Variants in SLC36A1 observed in about 807,000 individuals in gnomAD.
SLC36A1 encodes the protein proton-coupled amino acid transporter 1.
In SLC36A1, 30 loss-of-function variants were observed where a neutral mutation model predicts 47.5. That is an observed-to-expected ratio of 0.63 (90% CI 0.47 to 0.86). The LOEUF is 0.86. Ranked by LOEUF, SLC36A1 falls within the 40% of genes least tolerant of loss-of-function variation. The probability of loss-of-function intolerance (pLI) is 0.00; values close to 1 mark genes in which losing one functional copy is unlikely to be tolerated. For synonymous variants in SLC36A1, 255 were observed against 249.7 expected (o/e 1.02, Z -0.20); for missense variants, 517 against 606.0 (o/e 0.85, Z 1.54).
the SLC36A1 span, among the ~76,000 whole-genome samples, chr5:151,367,373 T>TC: frequency 7.7e-6 from 1 of 129,884 alleles, no homozygotes. Flanking sequence ...TTTTTTTTTT[T>TC]TCCCCAGGGT....
At chr5:151,353,289 A>G in the SLC36A1 span, among the ~76,000 whole-genome samples, 1 of 152,164 alleles carries the variant, frequency 6.6e-6, no homozygotes, top group Non-Finnish European at 1.5e-5. Context: ...CAGAGAGGAG[A>G]AGTGAGCACA....
intron 8 of SLC36A1, 53 bp from the exon 9 acceptor site, chr5:151,476,537 A>C: frequency 2.2e-6 from 3 of 1,354,652 alleles, no homozygotes; most frequent in Non-Finnish European, 2.9e-6. Context: ...TTTCTTGGCC[A>C]TTAACTTTTC....
the SLC36A1 span, among the ~76,000 whole-genome samples, chr5:151,373,821 A>G: frequency 6.6e-6 from 1 of 152,122 alleles, no homozygotes; most frequent in Admixed American, 6.5e-5. Context: ...TGCAACCTCA[A>G]ACTCCTGGGT....
At chr5:151,487,118 A>G (rs1759668254) in intron 10 of SLC36A1, among the ~76,000 whole-genome samples, 1 of 152,236 alleles carries the variant, frequency 6.6e-6, no homozygotes, top group Non-Finnish European at 1.5e-5. Flanking sequence ...CTAGTTCCAG[A>G]GCCCACAGGC....
At chr5:151,527,205 C>T in the SLC36A1 span, 1 of 1,577,756 alleles carries the variant, frequency 6.3e-7, no homozygotes. Context: ...GGAGGAAGGG[C>T]TCAGGGTGCC....
At chr5:151,357,554 C>T in the SLC36A1 span, among the ~76,000 whole-genome samples, 1 of 152,204 alleles carries the variant, frequency 6.6e-6, no homozygotes. Flanking sequence ...TAAACTATGG[C>T]CTATTGGCCA....
the SLC36A1 span, among the ~76,000 whole-genome samples, chr5:151,365,669 G>A: frequency 2.0e-5 from 3 of 152,178 alleles, no homozygotes; most frequent in Non-Finnish European, 2.9e-5. Flanking sequence ...TGAACAAGGG[G>A]TTCAGTACTA....
At chr5:151,372,940 CAG>C in the SLC36A1 span, among the ~76,000 whole-genome samples, 1 of 151,948 alleles carries the variant, frequency 6.6e-6, no homozygotes, top group Non-Finnish European at 1.5e-5. Flanking sequence ...ATGAAGAAGA[CAG>C]AATGTGGCAA....
chr5:151,441,014 C>T (rs1752594370), intron 1 of SLC36A1, among the ~76,000 whole-genome samples: 1 of 152,160 alleles, frequency 6.6e-6, no homozygotes, highest in Admixed American at 6.5e-5. Flanking sequence ...GATTGCTGTG[C>T]CCCCACAACC....
At chr5:151,551,590 C>A in the SLC36A1 span, 1 of 1,614,188 alleles carries the variant, frequency 6.2e-7, no homozygotes, top group Non-Finnish European at 8.5e-7. Flanking sequence ...TGTCAAAGTC[C>A]ATGTCCTTAT....
chr5:151,381,812 T>C, the SLC36A1 span, among the ~76,000 whole-genome samples: 1 of 152,200 alleles, frequency 6.6e-6, no homozygotes, highest in African/African-American at 2.4e-5. Flanking sequence ...CCCACCATGT[T>C]ATCCTTAAAA....
chr5:151,536,399 A>AC, the SLC36A1 span, among the ~76,000 whole-genome samples: 1 of 151,786 alleles, frequency 6.6e-6, no homozygotes, highest in Non-Finnish European at 1.5e-5. Context: ...CTCCCCTGCC[A>AC]CCCCCTGCTC....
At chr5:151,517,801 A>G in the SLC36A1 span, 9 of 1,612,162 alleles carry the variant, frequency 5.6e-6, no homozygotes, top group Non-Finnish European at 6.8e-6. Flanking sequence ...CTCTACTTGA[A>G]GTGGTCCCCA....
chr5:151,371,478 T>TA, the SLC36A1 span, among the ~76,000 whole-genome samples: 2 of 152,232 alleles, frequency 1.3e-5, no homozygotes, highest in African/African-American at 4.8e-5. Context: ...CCTTTCTCAC[T>TA]AATGATATCT....
At chr5:151,524,317 C>G in the SLC36A1 span, among the ~76,000 whole-genome samples, 49 of 152,258 alleles carry the variant, frequency 3.2e-4, no homozygotes, top group South Asian at 1.0e-2. Flanking sequence ...TTTTTAGTGC[C>G]TGTTTTGGAC....
At chr5:151,504,599 A>G in the SLC36A1 span, 1 of 152,674 alleles carries the variant, frequency 6.5e-6, no homozygotes, top group African/African-American at 2.4e-5. Context: ...ACCGGCCCTA[A>G]ATAGGAGTTC....
At chr5:151,540,690 C>T in the SLC36A1 span, 1 of 1,614,128 alleles carries the variant, frequency 6.2e-7, no homozygotes, top group Non-Finnish European at 8.5e-7. Context: ...GCTCGCGGTC[C>T]AGGGTCTTCC....
intron 2 of SLC36A1, among the ~76,000 whole-genome samples, chr5:151,461,461 A>G (rs570024716): frequency 1.3e-5 from 2 of 152,186 alleles, no homozygotes; most frequent in East Asian, 3.9e-4. Flanking sequence ...TCCCCATGCA[A>G]ACTGAAACCA....
the SLC36A1 span, among the ~76,000 whole-genome samples, chr5:151,345,302 C>G: frequency 2.6e-5 from 4 of 152,126 alleles, no homozygotes; most frequent in African/African-American, 7.2e-5. Flanking sequence ...GAAAGGAGCC[C>G]GGTCTCTGGG....
Sources: gnomAD v4.1 joint callset for allele counts (sites outside exome capture counted in the v4.1 genomes callset) on GRCh38, gnomAD v4.1.1 for gene constraint, MANE v1.5 for transcripts, NCBI Gene and HGNC (gene_info 2026-07-23, HGNC 2026-07-21) for gene names.